GSK3B: variants seen among roughly 807,000 people sequenced by gnomAD.
The protein encoded by GSK3B is glycogen synthase kinase 3 beta.
In GSK3B, 15 loss-of-function variants were observed where a neutral mutation model predicts 56.4. The observed-to-expected ratio is 0.27, with a 90% confidence interval of 0.18 to 0.41. The LOEUF is 0.41. Ranked by LOEUF, GSK3B falls within the 10% of genes least tolerant of loss-of-function variation. The pLI, the probability that GSK3B is intolerant of heterozygous loss-of-function variation, is 1.00. For missense variants in GSK3B, 300 were observed against 513.4 expected, an observed-to-expected ratio of 0.58 and a Z score of 4.02; for synonymous variants, 181 against 188.9, an observed-to-expected ratio of 0.96 and a Z score of 0.34.
chr3:119,932,439 G>A (rs567128738), intron 3 of GSK3B, among the ~76,000 whole-genome samples: 12 of 151,598 alleles, frequency 7.9e-5, no homozygotes, highest in Admixed American at 5.3e-4. Context: ...AGCATACAAC[G>A]ATTAAGGCAA....
intron 1 of GSK3B, among the ~76,000 whole-genome samples, chr3:120,011,752 C>A (rs1263660439): frequency 6.6e-6 from 1 of 152,012 alleles, no homozygotes; most frequent in Non-Finnish European, 1.5e-5. Context: ...AAGCGCATTA[C>A]CATTTGGCAT....
chr3:120,083,820 A>C (rs1290512504), intron 1 of GSK3B, among the ~76,000 whole-genome samples: 1 of 152,260 alleles, frequency 6.6e-6, no homozygotes, highest in Non-Finnish European at 1.5e-5. Context: ...TTCAGCAATA[A>C]AAAGGAATGA....
intron 1 of GSK3B, chr3:120,084,479 T>C (rs2058447097): frequency 6.6e-6 from 1 of 152,214 alleles, no homozygotes. Flanking sequence ...TTCTGCACTA[T>C]TTGATTTCTT....
intron 7 of GSK3B, among the ~76,000 whole-genome samples, chr3:119,904,730 C>T (rs910248605): frequency 1.3e-5 from 2 of 152,054 alleles, no homozygotes; most frequent in Non-Finnish European, 2.9e-5. Context: ...TAATCTGATG[C>T]TGGAAGTGTT....
chr3:120,090,060 AATC>A (rs941742564), intron 1 of GSK3B, among the ~76,000 whole-genome samples: 4 of 152,118 alleles, frequency 2.6e-5, no homozygotes, highest in Non-Finnish European at 4.4e-5. Context: ...TAATAGTAAT[AATC>A]ATTATTTATA....
chr3:119,841,219 A>G (rs1171194574), intron 10 of GSK3B, among the ~76,000 whole-genome samples: 1 of 152,162 alleles, frequency 6.6e-6, no homozygotes, highest in East Asian at 1.9e-4. Context: ...AATTATTATT[A>G]TTTTTCAGTT....
At chr3:119,962,372 T>C (rs1388147477) in intron 2 of GSK3B, among the ~76,000 whole-genome samples, 48 of 62,172 alleles carry the variant, frequency 7.7e-4, no homozygotes, top group African/African-American at 3.5e-3. Flanking sequence ...TGAAACTCTG[T>C]CTCAAAAAAA....
At chr3:120,008,764 A>C (rs2057752336) in intron 1 of GSK3B, among the ~76,000 whole-genome samples, 1 of 152,236 alleles carries the variant, frequency 6.6e-6, no homozygotes, top group Non-Finnish European at 1.5e-5. Flanking sequence ...TCCTAGAAGA[A>C]AACCTGGGCA....
chr3:119,842,295 C>T (rs958989688), intron 10 of GSK3B, among the ~76,000 whole-genome samples: 1 of 152,152 alleles, frequency 6.6e-6, no homozygotes, highest in South Asian at 2.1e-4. Context: ...CTGCAGCACA[C>T]CCTAGCTCTA....
chr3:119,915,157 C>A (rs1378065547), intron 5 of GSK3B, among the ~76,000 whole-genome samples: 1 of 151,872 alleles, frequency 6.6e-6, no homozygotes, highest in East Asian at 1.9e-4. Context: ...TACAAATTCA[C>A]AGTATATTAC....
chr3:120,080,841 GA>G (rs1479146640), intron 1 of GSK3B, among the ~76,000 whole-genome samples: 3 of 150,582 alleles, frequency 2.0e-5, no homozygotes, highest in South Asian at 2.1e-4. Context: ...AAAAAAAAAA[GA>G]AAAAAAATTA....
chr3:120,092,070 G>T (rs2058517295), intron 1 of GSK3B, among the ~76,000 whole-genome samples: 1 of 151,946 alleles, frequency 6.6e-6, no homozygotes. Flanking sequence ...ATTTGTCTTT[G>T]CCCTCATGAT....
At chr3:119,877,909 GA>G (rs766299333) in intron 7 of GSK3B, among the ~76,000 whole-genome samples, 31 of 152,100 alleles carry the variant, frequency 2.0e-4, no homozygotes, top group Non-Finnish European at 7.4e-5. Flanking sequence ...ATCTTTATAA[GA>G]CCGTGTATAA....
chr3:119,895,601 G>T (rs2056554115), intron 7 of GSK3B, among the ~76,000 whole-genome samples: 1 of 152,084 alleles, frequency 6.6e-6, no homozygotes, highest in African/African-American at 2.4e-5. Flanking sequence ...GTGTGAGGTG[G>T]GGGTCCAACT....
Position 119,917,084 on chromosome 3 carries a change from C to G in GSK3B, c.478-910G>C, listed in dbSNP as rs140244820. ...CTCTACCCCAAAGTTACACCATGGA[C>G]AGAATTTTTGAAATGAGTCAAACCA... On this transcript the variant is annotated intron_variant, in intron 4 of 10. Coordinates refer to ENST00000264235, the MANE Select transcript of GSK3B (RefSeq NM_001146156.2). 3.1e-3 allele frequency among the ~76,000 whole-genome samples: 467 copies of G among 151,944 alleles called. 1 individual carries two copies. Among genetic ancestry groups the G allele is most frequent in the Non-Finnish European group, 3.8e-3 (261 of 67,952 alleles).
chr3:119,892,510 A>G (rs1261707469), intron 7 of GSK3B, among the ~76,000 whole-genome samples: 1 of 152,172 alleles, frequency 6.6e-6, no homozygotes, highest in African/African-American at 2.4e-5. Flanking sequence ...CTGCCTTTGT[A>G]TTCTGCTCAG....
chr3:119,946,524 T>C (rs916728837), intron 3 of GSK3B, among the ~76,000 whole-genome samples: 7 of 152,066 alleles, frequency 4.6e-5, no homozygotes, highest in African/African-American at 7.2e-5. Context: ...GCCAAAAGAA[T>C]CAAGTGATTT....
chr3:119,863,667 C>T, intron 8 of GSK3B, 62 bp from the exon 9 acceptor site: 1 of 1,015,828 alleles, frequency 9.8e-7, no homozygotes, highest in Non-Finnish European at 1.5e-6. Context: ...AAGCAAATAC[C>T]CTGTGAATAA....
chr3:120,013,770 A>C (rs1289314323), intron 1 of GSK3B, among the ~76,000 whole-genome samples: 1 of 152,050 alleles, frequency 6.6e-6, no homozygotes, highest in East Asian at 1.9e-4. Flanking sequence ...TTTACATAAG[A>C]CTGTCAGAAG....
Sources: gnomAD v4.1 joint callset for allele counts (sites outside exome capture counted in the v4.1 genomes callset) on GRCh38, gnomAD v4.1.1 for gene constraint, MANE v1.5 for transcripts, NCBI Gene and HGNC (gene_info 2026-07-23, HGNC 2026-07-21) for gene names.